The following ADAM22 variants were observed in gnomAD, a reference collection of about 807,000 sequenced individuals.
ADAM22 encodes the protein disintegrin and metalloproteinase domain-containing protein 22.
In ADAM22, 65 loss-of-function variants were observed where a neutral mutation model predicts 144.6. The observed-to-expected ratio is 0.45, with a 90% CI of 0.37 to 0.55. The LOEUF is 0.55. Among genes scored for constraint, ADAM22 ranks in the 20% least tolerant of loss-of-function variants. ADAM22 has a pLI of 0.00. For synonymous variants in ADAM22, 391 were observed against 412.6 expected, an observed-to-expected ratio of 0.95 and a Z score of 0.63; for missense variants, 974 against 1,184.9, an observed-to-expected ratio of 0.82 and a Z score of 2.61.
intron 30 of ADAM22, among the ~76,000 whole-genome samples, chr7:88,187,496 C>T (rs1232493342): frequency 2.6e-5 from 4 of 152,180 alleles, no homozygotes; most frequent in Admixed American, 2.6e-4. Flanking sequence ...TGTAACATTA[C>T]AGGTCAGAAA....
intron 31 of ADAM22, 125 bp from the exon 32 acceptor site, chr7:88,196,346 G>GC (rs2129541724): frequency 1.8e-6 from 2 of 1,102,122 alleles, no homozygotes; most frequent in East Asian, 4.7e-5. Flanking sequence ...TTTAGACTTT[G>GC]CAAGAGTGTG....
intron 22 of ADAM22, among the ~76,000 whole-genome samples, chr7:88,156,845 C>T (rs1201301873): frequency 6.6e-6 from 1 of 150,800 alleles, no homozygotes; most frequent in Non-Finnish European, 1.5e-5. Context: ...GATTTCCAGT[C>T]ATCTATTTGG....
At chr7:88,130,519 G>A (rs904760693) in intron 10 of ADAM22, 60 bp downstream of exon 10, 4 of 1,483,422 alleles carry the variant, frequency 2.7e-6, no homozygotes, top group Non-Finnish European at 3.7e-6. Flanking sequence ...ATTGCTAATA[G>A]AATGGATAAT....
chr7:88,195,184 T>C (rs1850414732), intron 31 of ADAM22, among the ~76,000 whole-genome samples: 1 of 152,230 alleles, frequency 6.6e-6, no homozygotes. Context: ...ACTGTGTTCA[T>C]AGGCTTTATT....
At chr7:88,007,612 G>C (rs901979572) in intron 3 of ADAM22, among the ~76,000 whole-genome samples, 36 of 152,222 alleles carry the variant, frequency 2.4e-4, no homozygotes, top group African/African-American at 8.4e-4. Context: ...ACAACTATCT[G>C]ATCTTTGACA....
intron 2 of ADAM22, chr7:87,964,814 G>A: frequency 3.8e-6 from 1 of 261,978 alleles, no homozygotes; most frequent in South Asian, 4.1e-5. Flanking sequence ...AAGCAGCTTG[G>A]AGACACCAGC....
At chr7:88,089,773 T>C (rs9632709) in intron 4 of ADAM22, 83,952 of 151,916 alleles carry the variant, frequency 0.55, 24,237 homozygotes, top group East Asian at 0.88. Context: ...ACTTAAGCTC[T>C]TAATTTTATC....
chr7:88,112,297 T>C (rs1826258194), intron 5 of ADAM22, among the ~76,000 whole-genome samples: 1 of 152,142 alleles, frequency 6.6e-6, no homozygotes, highest in African/African-American at 2.4e-5. Flanking sequence ...ATATAGAAGT[T>C]GAGGACATGT....
rs148555719 is a variant in ADAM22, at chr7:87,992,192, T to C, written c.323+13780T>C. Among the ~76,000 whole-genome samples, 498 of 152,318 alleles carry C rather than the reference T, an allele frequency of 3.3e-3. 3 individuals carry two copies. The highest frequency in any genetic ancestry group is 0.011 in the African/African-American group (465 of 41,572). The stretch of plus-strand genomic sequence containing the variant: ...TGGTGTTTTTTGTGGGTTTCAAAGC[T>C]GTGTAAGATTTTGCTACAGCAGGTT... On this transcript the variant is annotated intron_variant, in intron 3 of 31. Transcript: ENST00000413139.
chr7:88,085,304 T>C (rs1818143763), intron 4 of ADAM22, among the ~76,000 whole-genome samples: 1 of 151,314 alleles, frequency 6.6e-6, no homozygotes, highest in African/African-American at 2.5e-5. Flanking sequence ...ATCCTAAGGA[T>C]GCAAATTTAA....
intron 4 of ADAM22, among the ~76,000 whole-genome samples, chr7:88,101,311 G>C (rs970407974): frequency 6.6e-6 from 1 of 152,086 alleles, no homozygotes; most frequent in Non-Finnish European, 1.5e-5. Flanking sequence ...ATGGCAGAAG[G>C]CTGGTTCTAG....
intron 3 of ADAM22, among the ~76,000 whole-genome samples, chr7:88,000,221 A>G (rs904718810): frequency 2.0e-5 from 3 of 152,164 alleles, no homozygotes; most frequent in Admixed American, 6.5e-5. Context: ...TTTTATGTTT[A>G]AACTCCTCCT....
At chr7:87,965,483 A>G (rs770480079) in intron 2 of ADAM22, among the ~76,000 whole-genome samples, 1 of 152,204 alleles carries the variant, frequency 6.6e-6, no homozygotes, top group Non-Finnish European at 1.5e-5. Context: ...ATATAGTTTC[A>G]TTCCTTAGTC....
chr7:88,108,268 C>T lies in ADAM22; in HGVS notation c.473+10C>T, dbSNP rs746761845. On this transcript the variant is annotated intron_variant, in intron 5 of 31. Transcript: ENST00000413139. ...CATGCCACGGACTTCAGTAAGTGTT[C>T]AAAAAGTTATTTTTACTGTTTGTTT... The T allele has an allele frequency of 2.5e-6, 4 of 1,608,976 alleles. No homozygotes were observed. The South Asian group carries it at 4.4e-5, about 18-fold the overall frequency.
At chr7:88,161,419 T>A (rs1348519721) in intron 22 of ADAM22, among the ~76,000 whole-genome samples, 2 of 152,094 alleles carry the variant, frequency 1.3e-5, no homozygotes, top group African/African-American at 4.8e-5. Flanking sequence ...GTCAAAGATT[T>A]CATTATGAAG....
intron 3 of ADAM22, among the ~76,000 whole-genome samples, chr7:88,002,604 G>T (rs1006463685): frequency 2.0e-5 from 3 of 152,194 alleles, no homozygotes; most frequent in Admixed American, 6.5e-5. Context: ...TAGTTGGTGG[G>T]CATTCATAAA....
chr7:88,163,248 A>T, intron 23 of ADAM22, 68 bp downstream of exon 23: 2 of 1,305,234 alleles, frequency 1.5e-6, no homozygotes, highest in Non-Finnish European at 2.0e-6. Context: ...ACCCTAAACT[A>T]TTTATTTTTC....
intron 3 of ADAM22, among the ~76,000 whole-genome samples, chr7:88,047,237 G>A (rs1245822584): frequency 6.6e-6 from 1 of 152,090 alleles, no homozygotes; most frequent in Non-Finnish European, 1.5e-5. Context: ...AAACTCTCAG[G>A]CAGGCTTATC....
At chr7:88,084,253 T>C (rs992959720) in intron 4 of ADAM22, among the ~76,000 whole-genome samples, 1 of 152,198 alleles carries the variant, frequency 6.6e-6, no homozygotes, top group African/African-American at 2.4e-5. Context: ...ACGTAACTCA[T>C]GAAGCGCTGA....
Sources: allele counts gnomAD v4.1 joint callset (sites outside exome capture counted in the v4.1 genomes callset), GRCh38; gene constraint gnomAD v4.1.1; transcripts MANE v1.5; gene names NCBI Gene and HGNC (gene_info 2026-07-23, HGNC 2026-07-21).